Variants in ZNF585B observed in about 807,000 individuals in gnomAD.
ZNF585B encodes the protein zinc finger protein 585B, also known as zinc finger protein 41-like protein.
ZNF585B carries 7 observed loss-of-function variants against 14.0 expected under a neutral mutation model. The observed-to-expected ratio is 0.50, with a 90% CI of 0.28 to 0.94. The LOEUF (loss-of-function observed/expected upper bound fraction) is 0.94. Ranked by LOEUF, ZNF585B falls within the 40% of genes least tolerant of loss-of-function variation. ZNF585B has a pLI of 0.09. For missense variants in ZNF585B, 750 were observed against 924.4 expected, an observed-to-expected ratio of 0.81 and a Z score of 2.45; for synonymous variants, 290 against 317.3, an observed-to-expected ratio of 0.91 and a Z score of 0.91.
At chr19:37,202,719 T>C (rs1156848181) in intron 2 of ZNF585B, among the ~76,000 whole-genome samples, 2 of 149,870 alleles carry the variant, frequency 1.3e-5, no homozygotes, top group African/African-American at 2.4e-5. Context: ...CTCAGCTCAC[T>C]GCAACCTCCG....
chr19:37,193,470 CAAAAA>C (rs1188808062), intron 2 of ZNF585B, among the ~76,000 whole-genome samples: 1 of 78,312 alleles, frequency 1.3e-5, no homozygotes. Context: ...GCCTCTGTCT[CAAAAA>C]AAAAAAAAAA....
intron 2 of ZNF585B, among the ~76,000 whole-genome samples, chr19:37,197,174 CCT>C (rs1972476085): frequency 6.6e-6 from 1 of 151,882 alleles, no homozygotes; most frequent in South Asian, 2.1e-4. Flanking sequence ...TGCTCCCCAC[CCT>C]GTGTCCAAGT....
chr19:37,202,522 G>T (rs1204031031), intron 2 of ZNF585B, among the ~76,000 whole-genome samples: 1 of 151,968 alleles, frequency 6.6e-6, no homozygotes, highest in Non-Finnish European at 1.5e-5. Context: ...TGCGTTGGGG[G>T]TGTTGAATCA....
chr19:37,209,726 T>C (rs1045413307), intron 1 of ZNF585B, among the ~76,000 whole-genome samples: 9 of 134,730 alleles, frequency 6.7e-5, no homozygotes, highest in African/African-American at 1.7e-4. Flanking sequence ...TGCACTTCTT[T>C]TTTTTTTTTT....
chr19:37,186,022 C>T lies in ZNF585B; in HGVS notation c.1515G>A (p.Gln505=). ...ICSKCGKAFT[Q]RSDLITHQRI... is the part of the protein sequence containing the mutation. ...TCTGATGTGTAATCAAGTCTGACCT[C>T]TGGGTGAAGGCCTTTCCACATTTGG... is the stretch of plus-strand genomic sequence containing the variant. Residue 505 remains glutamine (Q), a synonymous_variant, in exon 5 of 5, where the codon CAG becomes CAA. Coordinates refer to ENST00000532828, the MANE Select transcript of ZNF585B (RefSeq NM_152279.4). 6.2e-7 allele frequency: 1 copy of T among 1,614,014 alleles called. No homozygotes were observed. The highest frequency in any genetic ancestry group is 8.5e-7 in the Non-Finnish European group (1 of 1,180,012).
rs1972333498 is a variant in ZNF585B, at chr19:37,186,363, T to C, written c.1174A>G (p.Thr392Ala). The C allele has an allele frequency of 6.2e-7, 1 of 1,614,182 alleles. No individual in the cohort carries two copies. The highest frequency in any genetic ancestry group is 8.5e-7 in the Non-Finnish European group (1 of 1,180,034). The change falls in exon 5 of 5, where the codon ACT becomes GCT. Residue 392 changes from threonine (T) to alanine (A), a missense_variant. Around this residue, in one of 2 missense-constraint regions of ZNF585B, gnomAD observed 517 missense variants for 570.3 expected, o/e 0.91. Coordinates refer to ENST00000532828, the MANE Select transcript of ZNF585B (RefSeq NM_152279.4). ...YECSDCGRAF[T>A]QKSALTVHQR... ...TGCACTGTGAGTGCTGACTTCTGAG[T>C]GAAGGCTCTCCCACAGTCACTGCAT...
chr19:37,207,704 A>G (rs1397770258), intron 1 of ZNF585B, among the ~76,000 whole-genome samples: 1 of 152,240 alleles, frequency 6.6e-6, no homozygotes, highest in South Asian at 2.1e-4. Flanking sequence ...AAATGAGATT[A>G]TGCTTTTAAA....
rs376430580 is a variant in ZNF585B, at chr19:37,186,671, C to A, written c.866G>T (p.Arg289Leu). 1 of 1,614,044 alleles carries A rather than the reference C, an allele frequency of 6.2e-7. No homozygotes were observed. Among genetic ancestry groups the A allele is most frequent in the Admixed American group, 1.7e-5 (1 of 59,988 alleles). The stretch of plus-strand genomic sequence containing the variant: ...TGGTTTTTCTCCACTATGAATTCTT[C>A]GGTGTGCAATCAATTGTGTTTTCTG... ...FIQKTQLIAH[R>L]RIHSGEKPYE... Residue 289 changes from arginine (R) to leucine (L), a missense_variant, in exon 5 of 5, where the codon CGA becomes CTA. Physicochemically the swap from Arg to Leu is moderately radical, Grantham distance 102. Coordinates refer to ENST00000532828, the MANE Select transcript of ZNF585B (RefSeq NM_152279.4).
chr19:37,209,771 A>G (rs1440903833), intron 1 of ZNF585B, among the ~76,000 whole-genome samples: 1 of 141,312 alleles, frequency 7.1e-6, no homozygotes. Context: ...GCTGGAGTGC[A>G]GTGGCAAGAT....
At chr19:37,199,010 T>C in intron 2 of ZNF585B, 1 of 1,531,882 alleles carries the variant, frequency 6.5e-7, no homozygotes. Flanking sequence ...TGATTGTGCT[T>C]ATAGGGCTCA....
In ZNF585B at chr19:37,186,613, A is replaced by C. The variant is rs748894501; in HGVS notation, c.924T>G (p.Ile308Met). The C allele has an allele frequency of 1.9e-5, 31 of 1,614,228 alleles. 1 individual carries two copies. The South Asian group carries it at 3.2e-4, about 17-fold the overall frequency. ...YECNNCGKSF[I>M]SKSQLQVHQR... ...GATGTACCTGAAGTTGTGACTTGGA[A>C]ATGAAGGATTTGCCACAGTTATTGC... Residue 308 changes from isoleucine to methionine, a missense_variant, in exon 5 of 5, where the codon ATT (isoleucine) becomes ATG (methionine). Transcript: ENST00000532828.
chr19:37,201,876 T>G (rs1216576475), intron 2 of ZNF585B, among the ~76,000 whole-genome samples: 1 of 152,254 alleles, frequency 6.6e-6, no homozygotes, highest in Non-Finnish European at 1.5e-5. Context: ...GTACCATTAC[T>G]TCTGATATAC....
At chr19:37,195,542 T>A (rs1210605713) in intron 2 of ZNF585B, among the ~76,000 whole-genome samples, 1 of 151,772 alleles carries the variant, frequency 6.6e-6, no homozygotes, top group Non-Finnish European at 1.5e-5. Context: ...GGAAATATCA[T>A]GACAGATTCA....
rs1599768754 is a variant in ZNF585B at position 37,203,882 on chromosome 19, C to T, written c.72+3158G>A. Among the ~76,000 whole-genome samples the T allele has an allele frequency of 2.0e-5, 3 of 152,182 alleles. No homozygotes were observed. In the East Asian group the frequency reaches 5.8e-4, roughly 30 times the overall value. ...ACCTCAGGTGATCTGCCCGCCTCGG[C>T]CTCCCAAAGTGCTGGGATTACAGGC... On this transcript the variant is annotated intron_variant, in intron 2 of 4. Coordinates refer to ENST00000532828, the MANE Select transcript of ZNF585B (RefSeq NM_152279.4).
chr19:37,202,936 C>T lies in ZNF585B; in HGVS notation c.72+4104G>A, dbSNP rs546066046. Among the ~76,000 whole-genome samples the T allele has an allele frequency of 4.6e-5, 7 of 152,286 alleles. No homozygotes were observed. The South Asian group carries it at 1.5e-3, about 32-fold the overall frequency. ...GGGATTACAGGCATGAGCCACCACG[C>T]CCAGCCCTATTTGCATGATTTTACA... On this transcript the variant is annotated intron_variant, in intron 2 of 4. Transcript: ENST00000532828.
At chr19:37,205,780 A>G (rs548211857) in intron 2 of ZNF585B, among the ~76,000 whole-genome samples, 6 of 152,164 alleles carry the variant, frequency 3.9e-5, no homozygotes, top group Non-Finnish European at 8.8e-5. Flanking sequence ...GATGGATAAG[A>G]AATAACAATA....
At chr19:37,206,462 A>AT in intron 2 of ZNF585B, among the ~76,000 whole-genome samples, 1 of 152,194 alleles carries the variant, frequency 6.6e-6, no homozygotes, top group South Asian at 2.1e-4. Context: ...AAAAAAAAAA[A>AT]AAAAAATTTT....
At chr19:37,206,544 A>G (rs1021256576) in intron 2 of ZNF585B, among the ~76,000 whole-genome samples, 6 of 152,212 alleles carry the variant, frequency 3.9e-5, no homozygotes, top group Non-Finnish European at 7.3e-5. Flanking sequence ...GAGAAGCTCA[A>G]TAGAAGGGCT....
chr19:37,201,157 G>A (rs1972527519), intron 2 of ZNF585B, among the ~76,000 whole-genome samples: 1 of 150,976 alleles, frequency 6.6e-6, no homozygotes, highest in African/African-American at 2.4e-5. Flanking sequence ...TCCAAAGGAT[G>A]ACAGTAAAAG....
Sources: allele counts gnomAD v4.1 joint callset (sites outside exome capture counted in the v4.1 genomes callset), GRCh38; gene constraint gnomAD v4.1.1; regional missense constraint gnomAD v4.1.1; transcripts MANE v1.5; gene names NCBI Gene and HGNC (gene_info 2026-07-23, HGNC 2026-07-21).